Variants in TARS2 observed in about 807,000 individuals in gnomAD.
TARS2 encodes threonine--tRNA ligase, mitochondrial.
Under a neutral mutation model 94.4 loss-of-function variants are expected in TARS2, and 61 were observed. The ratio of observed to expected loss-of-function variants is 0.65; its 90% CI spans 0.53 to 0.80. TARS2 has a LOEUF of 0.80. Ranked by LOEUF, TARS2 falls within the 30% of genes least tolerant of loss-of-function variation. The pLI is 0.00. For missense variants in TARS2, 704 were observed against 902.5 expected (o/e 0.78, Z 2.82); for synonymous variants, 359 against 353.4 (o/e 1.02, Z -0.18).
chr1:150,503,990 A>G (rs1670084126), intron 13 of TARS2, among the ~76,000 whole-genome samples: 1 of 151,570 alleles, frequency 6.6e-6, no homozygotes, highest in African/African-American at 2.4e-5. Flanking sequence ...ACAGTTTCAG[A>G]GGTACAGCCA....
At chr1:150,490,830 G>C in intron 4 of TARS2, 105 bp downstream of exon 4, 1 of 1,491,626 alleles carries the variant, frequency 6.7e-7, no homozygotes, top group South Asian at 1.2e-5. Context: ...GGAGGAGAAG[G>C]GTTTCTCTAG....
intron 3 of TARS2, among the ~76,000 whole-genome samples, chr1:150,490,205 A>T (rs1669322295): frequency 1.6e-5 from 2 of 124,944 alleles, no homozygotes; most frequent in South Asian, 2.5e-4. Flanking sequence ...TGCAACTTCC[A>T]CCTCCCGGGT....
At chr1:150,501,887 TTTTG>T (rs950500320) in intron 13 of TARS2, among the ~76,000 whole-genome samples, 8 of 148,796 alleles carry the variant, frequency 5.4e-5, no homozygotes, top group African/African-American at 1.7e-4. Flanking sequence ...AAAATCTTTT[TTTTG>T]TTTGTTTTGT....
intron 13 of TARS2, among the ~76,000 whole-genome samples, chr1:150,503,545 A>ATGTGTGTGTG (rs368609900): frequency 1.0e-5 from 1 of 95,574 alleles, no homozygotes; most frequent in East Asian, 2.4e-4. Flanking sequence ...AAATACACAT[A>ATGTGTGTGTG]TGTGTGTGTG....
Position 150,498,540 on chromosome 1 carries a change from T to A in TARS2, c.1277T>A (p.Leu426Gln). The A allele has an allele frequency of 1.2e-6, 2 of 1,601,866 alleles. No homozygotes were observed. Among genetic ancestry groups the A allele is most frequent in the Non-Finnish European group, 1.7e-6 (2 of 1,175,936 alleles). ...FAHRPRSWRELPLRLADFGAL... is the reference protein window; with the variant it reads ...FAHRPRSWREQPLRLADFGAL... ...CACCGGCCCAGATCCTGGCGGGAAC[T>A]GCCCCTGCGACTAGCTGACTTTGGG... Residue 426 changes from leucine to glutamine, a missense_variant, in exon 11 of 18, where the codon CTG becomes CAG. Physicochemically the swap from Leu to Gln is moderately radical, Grantham distance 113 (BLOSUM62 -2). Transcript: ENST00000369064.
At chr1:150,498,430 G>A in intron 10 of TARS2, 72 bp from the exon 11 acceptor site, 2 of 1,495,860 alleles carry the variant, frequency 1.3e-6, no homozygotes, top group Admixed American at 2.4e-5. Context: ...TAGGCAAGCA[G>A]ATTGGGTGGA....
At chr1:150,487,812 A>T (rs1277642289) in intron 1 of TARS2, 46 bp from the exon 2 acceptor site, 2 of 1,583,288 alleles carry the variant, frequency 1.3e-6, no homozygotes, top group Non-Finnish European at 1.7e-6. Flanking sequence ...ATTCTAAGAA[A>T]GAATGATGGG....
In TARS2 at chr1:150,498,576, G is replaced by T; in HGVS notation, c.1313G>T (p.Arg438Leu). The change falls in exon 11 of 18, where the codon CGG becomes CTG. Residue 438 changes from arginine (R) to leucine (L), a missense_variant. Physicochemically the swap from Arg to Leu is moderately radical, Grantham distance 102. Transcript: ENST00000369064. ...CTAGCTGACTTTGGGGCTCTACACCGGGCCGAAGCCTCTGGTGGTCTGGGG... is the reference window on the plus strand; with the variant it reads ...CTAGCTGACTTTGGGGCTCTACACCTGGCCGAAGCCTCTGGTGGTCTGGGG... Reference protein sequence around the residue: ...LRLADFGALHRAEASGGLGGL... With the variant: ...LRLADFGALHLAEASGGLGGL... 6.2e-7 allele frequency: 1 copy of T among 1,610,054 alleles called. No homozygotes were observed. Among genetic ancestry groups the T allele is most frequent in the East Asian group, 2.2e-5 (1 of 44,860 alleles).
Position 150,490,787 on chromosome 1 carries a change from GC to G in TARS2, c.512+64del, listed in dbSNP as rs1410219431. On this transcript the variant is annotated intron_variant, in intron 4 of 17. Transcript: ENST00000369064. The stretch of plus-strand genomic sequence containing the variant: ...ATGGTTTCTGAGGCTCTTTTCAGGG[GC>G]CTTGGGCATGCTCCATTTGGATGAG... 3.3e-5 allele frequency: 53 copies of G among 1,606,432 alleles called. No individual in the cohort carries two copies. The East Asian group carries it at 9.6e-4, about 29-fold the overall frequency.
At chr1:150,489,128 C>T (rs1297135428) in intron 3 of TARS2, 41 bp downstream of exon 3, 2 of 1,613,104 alleles carry the variant, frequency 1.2e-6, no homozygotes, top group Non-Finnish European at 1.7e-6. Context: ...ACTACTAAAC[C>T]AAGAGATATT....
At chr1:150,488,744 G>C in intron 2 of TARS2, 1 of 479,754 alleles carries the variant, frequency 2.1e-6, no homozygotes, top group Non-Finnish European at 3.7e-6. Flanking sequence ...TGGAACATTA[G>C]AGCATATTCC....
intron 7 of TARS2, 52 bp from the exon 8 acceptor site, chr1:150,496,430 G>T: frequency 6.5e-7 from 1 of 1,543,360 alleles, no homozygotes; most frequent in Non-Finnish European, 8.8e-7. Context: ...CTTGAAAAAG[G>T]TGGGGGCCTT....
Position 150,504,446 on chromosome 1 carries a change from T to G in TARS2, c.1718+11T>G. 1 of 1,613,600 alleles carries G rather than the reference T, an allele frequency of 6.2e-7. No individual in the cohort carries two copies. Among genetic ancestry groups the G allele is most frequent in the Non-Finnish European group, 8.5e-7 (1 of 1,179,558 alleles). On this transcript the variant is annotated intron_variant, in intron 14 of 17. Transcript: ENST00000369064. The stretch of plus-strand genomic sequence containing the variant: ...CCTCCAGTATAAGGGGTATAAAACC[T>G]TGCCCTATCCTCTTTTCCCTTGACA...
At chr1:150,497,509 T>A in intron 9 of TARS2, 21 bp from the exon 10 acceptor site, 1 of 1,611,716 alleles carries the variant, frequency 6.2e-7, no homozygotes, top group Non-Finnish European at 8.5e-7. Flanking sequence ...TGACCTTCCA[T>A]GTCTGTACCC....
rs116377072 is a variant in TARS2, at chr1:150,504,730, A to T, written c.1817A>T (p.Lys606Ile). The change falls in exon 15 of 18, where the codon AAA becomes ATA. Residue 606 changes from lysine to isoleucine, a missense_variant. Lys to Ile is a moderately radical substitution (Grantham distance 102). Coordinates refer to ENST00000369064, the MANE Select transcript of TARS2 (RefSeq NM_025150.5). ...GTGCTGGCAGAAAGCTGCGGGGGGAAATGGTGAGACCTCTGACCTGGATTT... is the reference window on the plus strand; with the variant it reads ...GTGCTGGCAGAAAGCTGCGGGGGGATATGGTGAGACCTCTGACCTGGATTT... ...LGVLAESCGG[K>I]WPLWLSPFQV... 6.2e-7 allele frequency: 1 copy of T among 1,614,008 alleles called. No individual in the cohort carries two copies. The highest frequency in any genetic ancestry group is 1.3e-5 in the African/African-American group (1 of 74,910).
chr1:150,492,534 G>A (rs772543008), intron 7 of TARS2, 45 bp downstream of exon 7: 28 of 1,588,120 alleles, frequency 1.8e-5, no homozygotes, highest in South Asian at 2.2e-5. Context: ...ATTTTGAGCC[G>A]GGCATGGTGG....
rs748278638 is a variant in TARS2 at position 150,498,976 on chromosome 1, T to C, written c.1481T>C (p.Leu494Pro). Residue 494 changes from leucine to proline, a missense_variant, in exon 12 of 18, where the codon CTG becomes CCG. By Grantham distance (98) the Leu-to-Pro change is moderately conservative. This residue lies in a region of TARS2 where 466 missense variants were observed against 609.5 expected (regional missense o/e 0.76). Transcript: ENST00000369064. Reference sequence around the variant, plus strand: ...CTTGGCTTCTCCTTCCGCCTGGCACTGTCCACCCGGCCATCTGGCTTCCTG... The same window carrying C: ...CTTGGCTTCTCCTTCCGCCTGGCACCGTCCACCCGGCCATCTGGCTTCCTG... Reference protein sequence around the residue: ...AVLGFSFRLALSTRPSGFLGD... With the variant: ...AVLGFSFRLAPSTRPSGFLGD... The C allele has an allele frequency of 3.1e-6, 5 of 1,614,220 alleles. No individual in the cohort carries two copies. Among genetic ancestry groups the C allele is most frequent in the Non-Finnish European group, 3.4e-6 (4 of 1,180,034 alleles).
intron 3 of TARS2, among the ~76,000 whole-genome samples, chr1:150,489,727 G>A (rs916898865): frequency 1.3e-5 from 2 of 152,144 alleles, no homozygotes; most frequent in African/African-American, 4.8e-5. Context: ...GATCATCTGA[G>A]GTCAAGAGTT....
intron 13 of TARS2, among the ~76,000 whole-genome samples, chr1:150,502,848 A>C (rs1308107820): frequency 1.3e-5 from 2 of 152,258 alleles, no homozygotes; most frequent in African/African-American, 4.8e-5. Context: ...AAATATTAAC[A>C]GTAATGAAAG....
Sources: gnomAD v4.1 joint callset for allele counts (sites outside exome capture counted in the v4.1 genomes callset) on GRCh38, gnomAD v4.1.1 for gene constraint, gnomAD v4.1.1 regional missense constraint, MANE v1.5 for transcripts, NCBI Gene and HGNC (gene_info 2026-07-23, HGNC 2026-07-21) for gene names.